Variants in ABL1 observed in about 807,000 individuals in gnomAD.
The protein encoded by ABL1 is ABL proto-oncogene 1, non-receptor tyrosine kinase, also known as tyrosine-protein kinase ABL1.
Under a neutral mutation model 94.7 loss-of-function variants are expected in ABL1, and 11 were observed. The observed-to-expected ratio is 0.12, with a 90% CI of 0.07 to 0.19. The LOEUF is 0.19. Ranked by LOEUF, ABL1 falls within the 10% of genes least tolerant of loss-of-function variation. The pLI is 1.00. For synonymous variants in ABL1, 656 were observed against 622.4 expected (o/e 1.05, Z -0.80); for missense variants, 1,082 against 1,489.4 (o/e 0.73, Z 4.50).
intron 1 of ABL1, among the ~76,000 whole-genome samples, chr9:130,853,626 G>A (rs1830923123): frequency 1.3e-5 from 2 of 151,926 alleles, no homozygotes; most frequent in South Asian, 4.2e-4. Flanking sequence ...TGTTGGTCAA[G>A]TTGGTCTCAA....
At chr9:130,826,485 T>A (rs1157796915) in intron 1 of ABL1, among the ~76,000 whole-genome samples, 1 of 152,050 alleles carries the variant, frequency 6.6e-6, no homozygotes, top group South Asian at 2.1e-4. Flanking sequence ...AAGGAGACAG[T>A]AGGGGATAAG....
intron 3 of ABL1, among the ~76,000 whole-genome samples, chr9:130,856,799 A>G (rs1830982565): frequency 6.6e-6 from 1 of 152,228 alleles, no homozygotes; most frequent in Admixed American, 6.5e-5. Flanking sequence ...TTTTATGGCA[A>G]CAGGTTTAGA....
At chr9:130,858,042 C>T (rs149206055) in intron 3 of ABL1, among the ~76,000 whole-genome samples, 71 of 152,168 alleles carry the variant, frequency 4.7e-4, no homozygotes, top group Middle Eastern at 3.4e-3. Context: ...GAGCAGACAG[C>T]TTGCTTCCCA....
intron 1 of ABL1, among the ~76,000 whole-genome samples, chr9:130,818,596 G>T (rs1830319731): frequency 6.6e-6 from 1 of 151,932 alleles, no homozygotes; most frequent in African/African-American, 2.4e-5. Context: ...TTTTCTAGAA[G>T]ATTTATAAGT....
chr9:130,880,403 G>A lies in ABL1; in HGVS notation c.1514-97G>A, dbSNP rs558859884. ...CTTTTCTTTAGTTGTATGCAGATGAGCACTGTTACCTTACAAAGAAAGAGA... is the reference window on the plus strand; with the variant it reads ...CTTTTCTTTAGTTGTATGCAGATGAACACTGTTACCTTACAAAGAAAGAGA... On this transcript the variant is annotated intron_variant, in intron 9 of 10. Transcript: ENST00000318560. The surrounding 1 kb of genome is among the most constrained non-coding windows in gnomAD (Gnocchi z 4.4). 12 of 1,425,840 alleles carry A rather than the reference G, an allele frequency of 8.4e-6. No individual in the cohort carries two copies. The African/African-American group carries it at 1.6e-4, about 19-fold the overall frequency. 88.3% of individuals were successfully genotyped at this position (1,425,840 alleles called of 1,614,324 possible).
chr9:130,815,534 G>A (rs1425572164), intron 1 of ABL1, among the ~76,000 whole-genome samples: 1 of 152,022 alleles, frequency 6.6e-6, no homozygotes, highest in African/African-American at 2.4e-5. Context: ...GTCTATCCAG[G>A]TCACCTCTGC....
chr9:130,851,607 T>G (rs10124570), intron 1 of ABL1, among the ~76,000 whole-genome samples: 5,724 of 152,044 alleles, frequency 0.038, 373 homozygotes, highest in African/African-American at 0.13. Context: ...TCAGAATCAG[T>G]CCCACCCCTG....
intron 8 of ABL1, among the ~76,000 whole-genome samples, chr9:130,878,788 T>C (rs1831397146): frequency 6.6e-6 from 1 of 152,110 alleles, no homozygotes; most frequent in Non-Finnish European, 1.5e-5. Context: ...TATTGATAGA[T>C]ACCAAACCTG....
In ABL1 at chr9:130,880,707, C is replaced by T. The variant is rs781141405; in HGVS notation, c.1678+43C>T. 3 of 1,600,816 alleles carry T rather than the reference C, an allele frequency of 1.9e-6. No individual in the cohort carries two copies. Among genetic ancestry groups the T allele is most frequent in the Non-Finnish European group, 8.5e-7 (1 of 1,174,110 alleles). ...CCCAACCCCACTGCTCTTCCCTTCC[C>T]TGCCAGAGGCTACATTCAGGCCATC... On this transcript the variant is annotated intron_variant, in intron 10 of 10. Transcript: ENST00000318560. This position sits in a 1 kb window ranked among gnomAD's most constrained non-coding sequence, Gnocchi z 4.4.
At chr9:130,755,793 G>T (rs1176006989) in intron 1 of ABL1, among the ~76,000 whole-genome samples, 1 of 152,090 alleles carries the variant, frequency 6.6e-6, no homozygotes, top group African/African-American at 2.4e-5. Flanking sequence ...AATCCTGGCA[G>T]TCTGCCGCTC....
chr9:130,713,158 C>CG (rs1831392023), exon 1 of ABL1, among the ~76,000 whole-genome samples: 1 of 152,016 alleles, frequency 6.6e-6, no homozygotes, highest in Admixed American at 6.6e-5. Flanking sequence ...CCCCTACCGG[C>CG]GGGGGGCGGC....
upstream of ABL1, among the ~76,000 whole-genome samples, chr9:130,832,187 G>A (rs1451111633): frequency 2.0e-5 from 3 of 147,262 alleles, no homozygotes; most frequent in Non-Finnish European, 3.0e-5. Flanking sequence ...GTGGTGGTGC[G>A]ATCACTGCTC....
Position 130,878,445 on chromosome 9 carries a change from C to T in ABL1, c.1301C>T (p.Thr434Ile). The T allele has an allele frequency of 1.2e-6, 2 of 1,614,182 alleles. No individual in the cohort carries two copies. The highest frequency in any genetic ancestry group is 1.7e-6 in the Non-Finnish European group (2 of 1,180,028). The change falls in exon 8 of 11, where the codon ACC (threonine) becomes ATC (isoleucine). Residue 434 changes from threonine to isoleucine, a missense_variant. By Grantham distance (89) the Thr-to-Ile change is moderately conservative. Transcript: ENST00000318560. ...GGAGTATTGCTTTGGGAAATTGCTACCTATGGCATGTCCCCTTACCCGGGA... is the reference window on the plus strand; with the variant it reads ...GGAGTATTGCTTTGGGAAATTGCTATCTATGGCATGTCCCCTTACCCGGGA... ...AFGVLLWEIA[T>I]YGMSPYPGID...
intron 1 of ABL1, among the ~76,000 whole-genome samples, chr9:130,805,138 A>G (rs557623706): frequency 1.2e-4 from 18 of 152,282 alleles, no homozygotes; most frequent in African/African-American, 4.3e-4. Context: ...GTGCAGTGGC[A>G]CAGTCTTGGC....
intron 1 of ABL1, among the ~76,000 whole-genome samples, chr9:130,828,842 T>C (rs1018406004): frequency 6.6e-6 from 1 of 152,206 alleles, no homozygotes; most frequent in Admixed American, 6.5e-5. Flanking sequence ...TAGGAGACGT[T>C]AAATGTAAGG....
At chr9:130,869,668 C>G (rs1465480150) in intron 4 of ABL1, among the ~76,000 whole-genome samples, 1 of 152,194 alleles carries the variant, frequency 6.6e-6, no homozygotes, top group Non-Finnish European at 1.5e-5. Flanking sequence ...TCCTTCACCT[C>G]ATTCATCTGA....
At position 130,720,170 on chromosome 9, in the gene ABL1, G is replaced by A. The variant is rs77430155; in HGVS notation, c.136+5715G>A. ...TATATTTGTAAACAAAACAATCCCT[G>A]CCCTCCTAGAACTTACATTCTAGTG... On this transcript the variant is annotated intron_variant, in intron 1 of 10. Transcript: ENST00000372348. Among the ~76,000 whole-genome samples the A allele has an allele frequency of 1.7e-3, 264 of 152,230 alleles. 1 individual carries two copies. Among genetic ancestry groups the A allele is most frequent in the African/African-American group, 6.2e-3 (259 of 41,536 alleles).
At chr9:130,858,943 G>T (rs1831018251) in intron 3 of ABL1, among the ~76,000 whole-genome samples, 1 of 152,146 alleles carries the variant, frequency 6.6e-6, no homozygotes, top group East Asian at 1.9e-4. Flanking sequence ...TCAGCTCGGG[G>T]CCCAGAGCTG....
At chr9:130,727,945 T>C (rs540648486) in intron 1 of ABL1, among the ~76,000 whole-genome samples, 1 of 152,044 alleles carries the variant, frequency 6.6e-6, no homozygotes, top group Non-Finnish European at 1.5e-5. Flanking sequence ...AAAAATATTA[T>C]TGATCTAGGC....
Sources: gnomAD v4.1 joint callset for allele counts (sites outside exome capture counted in the v4.1 genomes callset) on GRCh38, gnomAD v4.1.1 for gene constraint, Gnocchi (gnomAD v3.1) non-coding constraint, MANE v1.5 for transcripts, NCBI Gene and HGNC (gene_info 2026-07-23, HGNC 2026-07-21) for gene names.